Variants in FHIP1A observed in about 807,000 individuals in gnomAD.
FHIP1A encodes the protein FHF complex subunit HOOK interacting protein 1A.
Under a neutral mutation model 88.6 loss-of-function variants are expected in FHIP1A, and 61 were observed. The ratio of observed to expected loss-of-function variants is 0.69; its 90% CI spans 0.56 to 0.85. FHIP1A has a LOEUF of 0.85. Among genes scored for constraint, FHIP1A ranks in the 40% least tolerant of loss-of-function variants. The probability of loss-of-function intolerance (pLI) is 0.00; values close to 1 mark genes in which losing one functional copy is unlikely to be tolerated. For missense variants in FHIP1A, 1,154 were observed against 1,273.5 expected (o/e 0.91, Z 1.43); for synonymous variants, 478 against 496.0 (o/e 0.96, Z 0.48).
At chr4:151,588,781 T>C in intron 6 of FHIP1A, 59 bp from the exon 7 acceptor site, 1 of 1,086,744 alleles carries the variant, frequency 9.2e-7, no homozygotes, top group South Asian at 1.3e-5. Context: ...AATTGTTTTA[T>C]TTTAAGAACT....
At chr4:151,650,718 T>G (rs1200237488) in intron 11 of FHIP1A, 126 bp downstream of exon 11, 4 of 1,250,770 alleles carry the variant, frequency 3.2e-6, no homozygotes, top group South Asian at 1.7e-5. Flanking sequence ...TGCAAATATT[T>G]TTGTAAAGAT....
intron 1 of FHIP1A, among the ~76,000 whole-genome samples, chr4:151,419,256 C>T (rs1046678816): frequency 1.6e-4 from 24 of 151,348 alleles, no homozygotes; most frequent in Non-Finnish European, 2.8e-4. Context: ...TCACTCTCCT[C>T]TCTCTCTCTC....
At chr4:151,610,314 A>C (rs867644289) in intron 7 of FHIP1A, among the ~76,000 whole-genome samples, 2 of 152,254 alleles carry the variant, frequency 1.3e-5, no homozygotes, top group Non-Finnish European at 2.9e-5. Flanking sequence ...TAATAGATTT[A>C]GATGACTAAA....
At chr4:151,495,051 G>C (rs1730410649) in intron 3 of FHIP1A, among the ~76,000 whole-genome samples, 2 of 152,138 alleles carry the variant, frequency 1.3e-5, no homozygotes, top group Non-Finnish European at 2.9e-5. Context: ...CTTTGCTGAA[G>C]TTGTTTATCA....
At chr4:151,501,292 A>T (rs935640278) in intron 3 of FHIP1A, among the ~76,000 whole-genome samples, 1 of 152,122 alleles carries the variant, frequency 6.6e-6, no homozygotes, top group African/African-American at 2.4e-5. Flanking sequence ...CTAGTCCTGA[A>T]ATTGCTGGGT....
chr4:151,527,361 A>G (rs1731713128), intron 3 of FHIP1A, among the ~76,000 whole-genome samples: 1 of 152,194 alleles, frequency 6.6e-6, no homozygotes, highest in Admixed American at 6.5e-5. Context: ...GTCTCCACCA[A>G]AAAAATATGA....
chr4:151,551,850 A>G (rs560444109), intron 3 of FHIP1A, among the ~76,000 whole-genome samples: 2 of 152,184 alleles, frequency 1.3e-5, no homozygotes, highest in South Asian at 4.1e-4. Flanking sequence ...TAATTAAACT[A>G]AAGAGTGCAC....
At chr4:151,585,215 C>T (rs545411370) in intron 5 of FHIP1A, among the ~76,000 whole-genome samples, 29 of 151,964 alleles carry the variant, frequency 1.9e-4, no homozygotes, top group Admixed American at 9.2e-4. Context: ...CCAGCTCTGT[C>T]GGCCAGGCTG....
chr4:151,604,115 T>G (rs1246110292), intron 7 of FHIP1A, among the ~76,000 whole-genome samples: 1 of 152,062 alleles, frequency 6.6e-6, no homozygotes, highest in Non-Finnish European at 1.5e-5. Context: ...TTTCTCTGCT[T>G]GGAACATTCT....
intron 3 of FHIP1A, among the ~76,000 whole-genome samples, chr4:151,482,870 C>G (rs930569977): frequency 6.6e-6 from 1 of 152,080 alleles, no homozygotes; most frequent in Non-Finnish European, 1.5e-5. Context: ...TAGCATTCTT[C>G]TAAGCATCCT....
intron 1 of FHIP1A, among the ~76,000 whole-genome samples, chr4:151,429,691 A>G (rs1399576677): frequency 6.6e-6 from 1 of 152,112 alleles, no homozygotes; most frequent in Non-Finnish European, 1.5e-5. Context: ...TCTACTAAAA[A>G]TACAAAAATT....
intron 3 of FHIP1A, among the ~76,000 whole-genome samples, 195 bp from the exon 4 acceptor site, chr4:151,565,943 A>G (rs369902218): frequency 6.6e-6 from 1 of 151,988 alleles, no homozygotes; most frequent in East Asian, 1.9e-4. Flanking sequence ...CTTAGCTAGC[A>G]TTATTATTTT....
chr4:151,409,319 C>G lies in FHIP1A; in HGVS notation c.-502C>G, dbSNP rs1234891384. The G allele has an allele frequency of 6.5e-6, 1 of 152,820 alleles. No individual in the cohort carries two copies. Among genetic ancestry groups the G allele is most frequent in the African/African-American group, 2.4e-5 (1 of 41,444 alleles). The allele number at this position is 152,820 out of a possible 1,614,324, so 9.5% of individuals were successfully genotyped here. On this transcript the variant is annotated 5_prime_UTR_variant, in exon 1 of 14. Transcript: ENST00000435205. ...GGCCAAGACTTTCGAGCGGCGGCCG[C>G]CCGAGGTGCGAGGAGCCAGCCCGGC...
At chr4:151,591,134 C>T (rs983379723) in intron 7 of FHIP1A, among the ~76,000 whole-genome samples, 16 of 150,346 alleles carry the variant, frequency 1.1e-4, no homozygotes, top group South Asian at 2.1e-4. Context: ...GGGTTAGGGA[C>T]GGAGCAGGCC....
chr4:151,500,214 T>C (rs1229159558), intron 3 of FHIP1A, among the ~76,000 whole-genome samples: 1 of 151,944 alleles, frequency 6.6e-6, no homozygotes, highest in African/African-American at 2.4e-5. Context: ...ATTTGGGTGG[T>C]AAAGGAAGGA....
Position 151,662,996 on chromosome 4 carries a change from C to T in FHIP1A, c.*242C>T, listed in dbSNP as rs1737530703. 1 of 388,376 alleles carries T rather than the reference C, an allele frequency of 2.6e-6. No homozygotes were observed. Among genetic ancestry groups the T allele is most frequent in the African/African-American group, 2.1e-5 (1 of 47,844 alleles). 24.1% of individuals were successfully genotyped at this position (388,376 alleles called of 1,614,324 possible). The stretch of plus-strand genomic sequence containing the variant: ...TGCTCCCTTGGCAGTTTTCTTTGCT[C>T]TGTTTTTCCTCCTTATATTTTTTTG... On this transcript the variant is annotated 3_prime_UTR_variant, in exon 14 of 14. Transcript: ENST00000435205.
intron 2 of FHIP1A, among the ~76,000 whole-genome samples, chr4:151,481,448 A>G (rs1014527989): frequency 7.2e-5 from 11 of 152,034 alleles, no homozygotes; most frequent in African/African-American, 2.4e-4. Flanking sequence ...GCAAATTTAC[A>G]GTTTGTGACA....
intron 11 of FHIP1A, among the ~76,000 whole-genome samples, chr4:151,653,475 G>A (rs1009303998): frequency 6.6e-6 from 1 of 151,996 alleles, no homozygotes; most frequent in Non-Finnish European, 1.5e-5. Flanking sequence ...TTATTCACAA[G>A]CTGGGTTCAC....
chr4:151,482,073 G>GTCAGTA (rs1729915923), intron 2 of FHIP1A, among the ~76,000 whole-genome samples: 2 of 152,130 alleles, frequency 1.3e-5, no homozygotes, highest in Non-Finnish European at 2.9e-5. Flanking sequence ...ATCTAGAGAG[G>GTCAGTA]TCAAAGTTAC....
Sources: gnomAD v4.1 joint callset for allele counts (sites outside exome capture counted in the v4.1 genomes callset) on GRCh38, gnomAD v4.1.1 for gene constraint, MANE v1.5 for transcripts, NCBI Gene and HGNC (gene_info 2026-07-23, HGNC 2026-07-21) for gene names.